Variants in PHACTR1 observed in about 807,000 individuals in gnomAD.
PHACTR1 encodes the protein phosphatase and actin regulator 1, also known as RPEL repeat containing 1.
In PHACTR1, 16 loss-of-function variants were observed where a neutral mutation model predicts 69.2. The ratio of observed to expected loss-of-function variants is 0.23; its 90% confidence interval spans 0.16 to 0.35. The LOEUF (loss-of-function observed/expected upper bound fraction) is 0.35, where lower values mean the gene tolerates loss of function less well. PHACTR1 is among the 10% of genes least tolerant of loss of function. The probability of loss-of-function intolerance (pLI) is 1.00; values close to 1 mark genes in which losing one functional copy is unlikely to be tolerated. For synonymous variants in PHACTR1, 312 were observed against 284.5 expected (o/e 1.10, Z -0.97); for missense variants, 510 against 734.7 (o/e 0.69, Z 3.54).
Position 12,972,654 on chromosome 6 carries a change from C to T in PHACTR1, c.251-80711C>T, listed in dbSNP as rs67293213. Among the ~76,000 whole-genome samples the T allele has an allele frequency of 3.4e-3, 76 of 22,246 alleles. 1 individual carries two copies. The highest frequency in any genetic ancestry group is 0.018 in the Middle Eastern group (1 of 56). 14.6% of individuals were successfully genotyped at this position (22,246 alleles called of 152,430 possible). The stretch of plus-strand genomic sequence containing the variant: ...CCTTTCTTTCTTTCTTTCTTTCTTT[C>T]TTTTTTTTTTTTTTTGAGACAGAGT... On this transcript the variant is annotated intron_variant, in intron 4 of 14. Transcript: ENST00000332995.
chr6:12,736,123 C>T (rs1764221169), intron 3 of PHACTR1, among the ~76,000 whole-genome samples: 1 of 152,088 alleles, frequency 6.6e-6, no homozygotes, highest in South Asian at 2.1e-4. Flanking sequence ...AAAAATGTTC[C>T]AGGATCTATG....
At chr6:12,770,878 A>G (rs1769294153) in intron 4 of PHACTR1, among the ~76,000 whole-genome samples, 1 of 152,232 alleles carries the variant, frequency 6.6e-6, no homozygotes, top group Non-Finnish European at 1.5e-5. Context: ...GCTGTGCTTC[A>G]GCAGGGCTTC....
chr6:12,866,032 G>A (rs1781420721), intron 4 of PHACTR1, among the ~76,000 whole-genome samples: 1 of 152,174 alleles, frequency 6.6e-6, no homozygotes, highest in African/African-American at 2.4e-5. Context: ...CTTTCTGCCT[G>A]AGAGAGTGAT....
At chr6:12,862,911 C>T (rs1226771524) in intron 4 of PHACTR1, among the ~76,000 whole-genome samples, 1 of 152,194 alleles carries the variant, frequency 6.6e-6, no homozygotes, top group Admixed American at 6.5e-5. Context: ...GTTGAATGAA[C>T]AGAACAGTGA....
At chr6:13,099,420 A>G (rs907221220) in intron 5 of PHACTR1, among the ~76,000 whole-genome samples, 5 of 152,224 alleles carry the variant, frequency 3.3e-5, no homozygotes, top group African/African-American at 7.2e-5. Flanking sequence ...TGAGTGATGA[A>G]TAGGAACATC....
At chr6:13,174,452 G>A (rs373307774) in intron 6 of PHACTR1, among the ~76,000 whole-genome samples, 104 of 152,338 alleles carry the variant, frequency 6.8e-4, no homozygotes, top group African/African-American at 2.4e-3. Context: ...CAAAGATGCA[G>A]TGTAGTTAAT....
At chr6:12,861,725 A>G (rs1180242836) in intron 4 of PHACTR1, among the ~76,000 whole-genome samples, 3 of 152,218 alleles carry the variant, frequency 2.0e-5, no homozygotes, top group Non-Finnish European at 2.9e-5. Flanking sequence ...TCTCCCATAT[A>G]TAAATACTAT....
intron 5 of PHACTR1, among the ~76,000 whole-genome samples, chr6:13,143,467 G>A (rs1218487069): frequency 2.6e-5 from 4 of 152,134 alleles, no homozygotes; most frequent in South Asian, 2.1e-4. Context: ...TTTTCTTCTC[G>A]AACTGTGTGT....
At chr6:12,997,452 C>T (rs1172763464) in intron 4 of PHACTR1, among the ~76,000 whole-genome samples, 4 of 149,356 alleles carry the variant, frequency 2.7e-5, no homozygotes, top group Admixed American at 2.0e-4. Flanking sequence ...TCTTTTTATT[C>T]TTCTGCCTGC....
intron 6 of PHACTR1, among the ~76,000 whole-genome samples, chr6:13,165,126 G>A (rs1030063100): frequency 3.9e-5 from 6 of 152,144 alleles, no homozygotes; most frequent in Non-Finnish European, 5.9e-5. Flanking sequence ...TATGTTAGTT[G>A]TGATGGTAGC....
At chr6:13,164,250 A>C (rs1318778671) in intron 6 of PHACTR1, among the ~76,000 whole-genome samples, 2 of 152,244 alleles carry the variant, frequency 1.3e-5, no homozygotes, top group Non-Finnish European at 2.9e-5. Context: ...GGGGTAAAGC[A>C]AATAGAATTT....
At chr6:13,050,854 C>T (rs1161629423) in intron 4 of PHACTR1, among the ~76,000 whole-genome samples, 1 of 152,186 alleles carries the variant, frequency 6.6e-6, no homozygotes, top group Non-Finnish European at 1.5e-5. Context: ...GCCATTCTTG[C>T]TTCCTGGTAC....
At chr6:13,118,560 C>A (rs969866354) in intron 5 of PHACTR1, among the ~76,000 whole-genome samples, 1 of 150,042 alleles carries the variant, frequency 6.7e-6, no homozygotes. Context: ...CTCACTGCAA[C>A]CTCCACCTCC....
intron 4 of PHACTR1, among the ~76,000 whole-genome samples, chr6:12,919,270 G>A (rs1325621250): frequency 1.6e-4 from 24 of 152,132 alleles, no homozygotes; most frequent in Admixed American, 1.6e-3. Flanking sequence ...AGCCTCCCGA[G>A]TAGCTGGGAC....
At chr6:12,930,275 G>A (rs574077307) in intron 4 of PHACTR1, among the ~76,000 whole-genome samples, 97 of 152,232 alleles carry the variant, frequency 6.4e-4, no homozygotes, top group African/African-American at 2.2e-3. Context: ...GAACTGCTGG[G>A]CTCAAGCAGT....
At chr6:12,962,617 GA>G (rs1270790572) in intron 4 of PHACTR1, among the ~76,000 whole-genome samples, 1 of 152,190 alleles carries the variant, frequency 6.6e-6, no homozygotes, top group Non-Finnish European at 1.5e-5. Flanking sequence ...AAGGGAAAGG[GA>G]GGACCTTGTT....
At chr6:12,746,159 G>GA (rs886238939) in intron 3 of PHACTR1, among the ~76,000 whole-genome samples, 3 of 152,126 alleles carry the variant, frequency 2.0e-5, no homozygotes, top group African/African-American at 4.8e-5. Context: ...AAAGAGAATA[G>GA]AAAAAATTAG....
At chr6:13,196,125 T>C (rs925089769) in intron 7 of PHACTR1, among the ~76,000 whole-genome samples, 3 of 152,206 alleles carry the variant, frequency 2.0e-5, no homozygotes, top group African/African-American at 7.2e-5. Flanking sequence ...GAGCTCTGTG[T>C]GTTTCCCAGC....
At chr6:12,998,617 A>AG (rs1236983778) in intron 4 of PHACTR1, among the ~76,000 whole-genome samples, 7 of 151,496 alleles carry the variant, frequency 4.6e-5, no homozygotes, top group African/African-American at 1.7e-4. Flanking sequence ...CCTGGTCAAA[A>AG]AAAAAAAAAA....
Sources: allele counts gnomAD v4.1 joint callset (sites outside exome capture counted in the v4.1 genomes callset), GRCh38; gene constraint gnomAD v4.1.1; transcripts MANE v1.5; gene names NCBI Gene and HGNC (gene_info 2026-07-23, HGNC 2026-07-21).